KCNIP4: variants seen among roughly 807,000 people sequenced by gnomAD.
KCNIP4 encodes Kv channel-interacting protein 4.
In KCNIP4, 12 loss-of-function variants were observed where a neutral mutation model predicts 34.0. That is an observed-to-expected ratio of 0.35 (90% CI 0.23 to 0.57). The LOEUF (loss-of-function observed/expected upper bound fraction) is 0.57, where lower values mean the gene tolerates loss of function less well. Ranked by LOEUF, KCNIP4 falls within the 20% of genes least tolerant of loss-of-function variation. KCNIP4 has a pLI of 0.83. For synonymous variants in KCNIP4, 124 were observed against 102.2 expected, an observed-to-expected ratio of 1.21 and a Z score of -1.29; for missense variants, 238 against 311.7, an observed-to-expected ratio of 0.76 and a Z score of 1.78.
chr4:21,640,117 C>A (rs1746503710), intron 1 of KCNIP4, among the ~76,000 whole-genome samples: 1 of 152,168 alleles, frequency 6.6e-6, no homozygotes, highest in African/African-American at 2.4e-5. Flanking sequence ...ATCCATTTAA[C>A]TTCTAGGAAC....
chr4:21,757,099 AAAAGAAAGAAAGAAAG>A (rs1240357604), intron 1 of KCNIP4, among the ~76,000 whole-genome samples: 18 of 109,906 alleles, frequency 1.6e-4, no homozygotes, highest in Admixed American at 1.6e-3. Flanking sequence ...CTGTCTCAAA[AAAAGAAAGAAAGAAAG>A]AAAGAAAGAA....
At chr4:21,843,347 G>A (rs569287706) in intron 1 of KCNIP4, 4 of 152,098 alleles carry the variant, frequency 2.6e-5, no homozygotes, top group African/African-American at 9.6e-5. Context: ...TTTTGCAGAT[G>A]AGGAAACCAA....
intron 3 of KCNIP4, among the ~76,000 whole-genome samples, chr4:20,826,164 T>TTCCCAAA: frequency 6.6e-6 from 1 of 152,140 alleles, no homozygotes; most frequent in Non-Finnish European, 1.5e-5. Context: ...GCAATACTAC[T>TTCCCAAA]GTAGAGCATA....
chr4:20,849,979 G>A (rs927148999), intron 3 of KCNIP4, among the ~76,000 whole-genome samples: 9 of 152,148 alleles, frequency 5.9e-5, no homozygotes, highest in African/African-American at 1.7e-4. Context: ...CACCCTCTGG[G>A]GTTTTCTGGG....
At chr4:21,626,901 C>T (rs1745377896) in intron 1 of KCNIP4, among the ~76,000 whole-genome samples, 2 of 152,002 alleles carry the variant, frequency 1.3e-5, no homozygotes, top group Admixed American at 1.3e-4. Flanking sequence ...TTTCAGGTTC[C>T]AGTCACTGTT....
intron 1 of KCNIP4, among the ~76,000 whole-genome samples, chr4:20,948,314 C>T (rs1243927024): frequency 3.3e-5 from 5 of 152,152 alleles, no homozygotes; most frequent in Admixed American, 3.3e-4. Flanking sequence ...TGACCCAAAT[C>T]TTTCATTTCT....
In KCNIP4 at chr4:21,779,167, T is replaced by C. The variant is rs4697237; in HGVS notation, c.61+169404A>G. On this transcript the variant is annotated intron_variant, in intron 1 of 8. Transcript: ENST00000382152. Reference sequence around the variant, plus strand: ...CCTCAGAAAGACATTTAGAAATATGTAAACATTTTGCTTTCATCTTTATAT... The same window carrying C: ...CCTCAGAAAGACATTTAGAAATATGCAAACATTTTGCTTTCATCTTTATAT... Among the ~76,000 whole-genome samples the C allele has an allele frequency of 1.5e-3, 221 of 152,322 alleles. 1 individual carries two copies. Among genetic ancestry groups the C allele is most frequent in the Admixed American group, 0.013 (203 of 15,298 alleles).
At chr4:21,391,506 A>G (rs987432022) in intron 1 of KCNIP4, among the ~76,000 whole-genome samples, 1 of 152,148 alleles carries the variant, frequency 6.6e-6, no homozygotes, top group African/African-American at 2.4e-5. Flanking sequence ...TTTATCAGGA[A>G]CGTGCCCTAA....
At chr4:21,129,588 T>C (rs1750904282) in intron 1 of KCNIP4, among the ~76,000 whole-genome samples, 1 of 152,186 alleles carries the variant, frequency 6.6e-6, no homozygotes, top group Non-Finnish European at 1.5e-5. Context: ...CATATTTTCA[T>C]TTCAGTTTAC....
rs199871008 is a variant in KCNIP4, at chr4:21,469,808, A to T, written c.61+478763T>A. 1.8e-4 allele frequency among the ~76,000 whole-genome samples: 28 copies of T among 152,162 alleles called. No individual in the cohort carries two copies. In the East Asian group the frequency reaches 2.9e-3, roughly 16 times the overall value. ...GTGTACATGTGATAATACCGAAATT[A>T]AAAAAAAGCTTAAAGGGCAGGTGTT... is the stretch of plus-strand genomic sequence containing the variant. On this transcript the variant is annotated intron_variant, in intron 1 of 8. Transcript: ENST00000382152.
chr4:20,956,357 T>A (rs1733300008), intron 1 of KCNIP4, among the ~76,000 whole-genome samples: 1 of 152,018 alleles, frequency 6.6e-6, no homozygotes, highest in African/African-American at 2.4e-5. Context: ...ACAAAAAAAT[T>A]AGCCGGGCGT....
chr4:21,667,839 C>T (rs184755210), intron 1 of KCNIP4, among the ~76,000 whole-genome samples: 14 of 152,300 alleles, frequency 9.2e-5, no homozygotes, highest in Admixed American at 3.9e-4. Context: ...GGAAGTTCTA[C>T]GGTGGGACAG....
intron 1 of KCNIP4, among the ~76,000 whole-genome samples, chr4:21,923,047 G>A (rs6818512): frequency 1 from 152,312 of 152,326 alleles, 76,149 homozygotes; most frequent in Non-Finnish European, 1. Flanking sequence ...TAGAACTGCC[G>A]TAAAATAGAT....
At chr4:21,801,956 A>C (rs1192119753) in intron 1 of KCNIP4, among the ~76,000 whole-genome samples, 2 of 151,042 alleles carry the variant, frequency 1.3e-5, no homozygotes, top group African/African-American at 2.4e-5. Context: ...AATTCAGGGA[A>C]TTTTTTTTTT....
chr4:21,923,251 A>G (rs1262027956), intron 1 of KCNIP4, among the ~76,000 whole-genome samples: 2 of 152,088 alleles, frequency 1.3e-5, no homozygotes, highest in Non-Finnish European at 2.9e-5. Flanking sequence ...GCCTTACTCA[A>G]TCCTACATTC....
At chr4:21,223,666 A>G (rs1453353923) in intron 1 of KCNIP4, among the ~76,000 whole-genome samples, 1 of 152,180 alleles carries the variant, frequency 6.6e-6, no homozygotes, top group Non-Finnish European at 1.5e-5. Context: ...TTGAAAGTAT[A>G]TATTATCAAA....
rs1717505827 is a variant in KCNIP4 at position 20,824,633 on chromosome 4, T to C, written c.288+25910A>G. Among the ~76,000 whole-genome samples the C allele has an allele frequency of 2.0e-5, 3 of 152,110 alleles. No homozygotes were observed. The South Asian group carries it at 6.2e-4, about 31-fold the overall frequency. On this transcript the variant is annotated intron_variant, in intron 3 of 8. Coordinates refer to ENST00000382152, the MANE Select transcript of KCNIP4 (RefSeq NM_025221.6). ...AGGCAGAGGTTGCAGTGAGCCGAGA[T>C]TGCACTTCTGCACTCCAGACTAGCA...
At chr4:21,042,846 C>T (rs1240301115) in intron 1 of KCNIP4, among the ~76,000 whole-genome samples, 1 of 152,066 alleles carries the variant, frequency 6.6e-6, no homozygotes, top group African/African-American at 2.4e-5. Context: ...GAGAATGTGT[C>T]TCCATTATGC....
chr4:21,434,447 A>ATGT (rs1383665238), intron 1 of KCNIP4, among the ~76,000 whole-genome samples: 3 of 152,136 alleles, frequency 2.0e-5, no homozygotes, highest in Non-Finnish European at 4.4e-5. Context: ...ACTGCCTAGA[A>ATGT]ACATTAGCAT....
Sources: allele counts gnomAD v4.1 joint callset (sites outside exome capture counted in the v4.1 genomes callset), GRCh38; gene constraint gnomAD v4.1.1; transcripts MANE v1.5; gene names NCBI Gene and HGNC (gene_info 2026-07-23, HGNC 2026-07-21).